CACNA2D4: variants seen among roughly 807,000 people sequenced by gnomAD.
The protein encoded by CACNA2D4 is voltage-dependent calcium channel subunit alpha-2/delta-4.
A neutral mutation model predicts 163.8 loss-of-function variants in CACNA2D4; 157 were observed. That is an observed-to-expected ratio of 0.96 (90% CI 0.84 to 1.09). The LOEUF (loss-of-function observed/expected upper bound fraction) is 1.09, where lower values mean the gene tolerates loss of function less well. CACNA2D4 is among the 50% of genes least tolerant of loss of function. The probability of loss-of-function intolerance (pLI) is 0.00; values close to 1 mark genes in which losing one functional copy is unlikely to be tolerated. For missense variants in CACNA2D4, 1,410 were observed against 1,479.9 expected, an observed-to-expected ratio of 0.95 and a Z score of 0.78; for synonymous variants, 598 against 586.9, an observed-to-expected ratio of 1.02 and a Z score of -0.27.
chr12:1,794,180 C>T (rs184070956), intron 37 of CACNA2D4, among the ~76,000 whole-genome samples: 5 of 152,262 alleles, frequency 3.3e-5, no homozygotes, highest in East Asian at 3.9e-4. Flanking sequence ...CTCGATCATT[C>T]GGAACTAAGT....
chr12:1,913,786 C>G (rs767597764), intron 2 of CACNA2D4, among the ~76,000 whole-genome samples: 23 of 152,334 alleles, frequency 1.5e-4, no homozygotes, highest in Non-Finnish European at 3.2e-4. Flanking sequence ...TCTATTCACC[C>G]AGCTCTGCAA....
rs922123945 is a variant in CACNA2D4 at position 1,875,764 on chromosome 12, C to T, written c.1720-427G>A. On this transcript the variant is annotated intron_variant, in intron 16 of 37. Transcript: ENST00000382722. This position sits in a 1 kb window ranked among gnomAD's most constrained non-coding sequence, Gnocchi z 4.0. ...GGATTTCCAAAGATACTTGTCACGC[C>T]TAAGACTTCACTGCTCCAACTGAGT... is the stretch of plus-strand genomic sequence containing the variant. 6.6e-6 allele frequency among the ~76,000 whole-genome samples: 1 copy of T among 152,236 alleles called. No individual in the cohort carries two copies. The highest frequency in any genetic ancestry group is 2.1e-4 in the South Asian group (1 of 4,832).
chr12:1,808,376 G>A (rs1863607813), intron 29 of CACNA2D4, among the ~76,000 whole-genome samples: 1 of 152,164 alleles, frequency 6.6e-6, no homozygotes, highest in African/African-American at 2.4e-5. Flanking sequence ...AAAGTCAAAA[G>A]ATTGATAACA....
intron 35 of CACNA2D4, among the ~76,000 whole-genome samples, chr12:1,796,998 T>G (rs536108958): frequency 6.8e-4 from 104 of 152,330 alleles, no homozygotes; most frequent in African/African-American, 2.5e-3. Flanking sequence ...TCCCTCTGCC[T>G]TCCAAGTTCT....
intron 26 of CACNA2D4, among the ~76,000 whole-genome samples, chr12:1,826,054 C>T (rs76153188): frequency 0.035 from 5,307 of 152,134 alleles, 184 homozygotes; most frequent in African/African-American, 0.076. Flanking sequence ...TCCACAGGCC[C>T]GGGGTGCTCA....
chr12:1,837,265 C>T (rs1442439742), intron 26 of CACNA2D4, among the ~76,000 whole-genome samples: 1 of 152,196 alleles, frequency 6.6e-6, no homozygotes, highest in Non-Finnish European at 1.5e-5. Flanking sequence ...CCTCGGCTGA[C>T]TGGGTTCTTT....
intron 26 of CACNA2D4, among the ~76,000 whole-genome samples, chr12:1,837,968 G>A (rs1029042182): frequency 4.6e-5 from 7 of 152,196 alleles, no homozygotes; most frequent in African/African-American, 1.4e-4. Flanking sequence ...AGCCCTGGCC[G>A]GCAGGAAGGG....
In CACNA2D4 at chr12:1,821,520, GC is replaced by G. The variant is rs774775573; in HGVS notation, c.2552-9798del. ...CCCAAGGGCAAGACAGGAGAACCAG[GC>G]CCGCGAGAACCTGCTGGGGTGTCCC... On this transcript the variant is annotated intron_variant, in intron 26 of 37. Coordinates refer to ENST00000382722, the MANE Select transcript of CACNA2D4 (RefSeq NM_172364.5). Among the ~76,000 whole-genome samples the G allele has an allele frequency of 3.9e-5, 6 of 152,308 alleles. No individual in the cohort carries two copies. In the South Asian group the frequency reaches 6.2e-4, roughly 16 times the overall value.
In CACNA2D4 at chr12:1,875,298, T is replaced by C. The variant is rs759153873; in HGVS notation, c.1759A>G (p.Asn587Asp). ...TCCACTTCGGAGAGATCCACACTGT[T>C]GTAGTTAGGTTTGGGTTTTAGTTTC... ...GKKLKPKPNYNSVDLSEVEWE... is the reference protein window; with the variant it reads ...GKKLKPKPNYDSVDLSEVEWE... Residue 587 changes from asparagine to aspartate, a missense_variant, in exon 17 of 38, where the codon AAC becomes GAC. Asn to Asp is a conservative substitution (Grantham distance 23). Transcript: ENST00000382722. The surrounding 1 kb of genome is among the most constrained non-coding windows in gnomAD (Gnocchi z 4.0). The C allele has an allele frequency of 1.9e-6, 3 of 1,613,888 alleles. No homozygotes were observed. Among genetic ancestry groups the C allele is most frequent in the Non-Finnish European group, 2.5e-6 (3 of 1,179,804 alleles).
At chr12:1,826,012 G>A (rs962708913) in intron 26 of CACNA2D4, among the ~76,000 whole-genome samples, 1 of 152,192 alleles carries the variant, frequency 6.6e-6, no homozygotes, top group Non-Finnish European at 1.5e-5. Flanking sequence ...AGGCCTGCGA[G>A]GGCCGTAGGT....
rs1416360632 is a variant in CACNA2D4, at chr12:1,798,240, C to T, written c.2996-705G>A. Among the ~76,000 whole-genome samples the T allele has an allele frequency of 2.6e-5, 4 of 152,184 alleles. No individual in the cohort carries two copies. The highest frequency in any genetic ancestry group is 2.6e-4 in the Admixed American group (4 of 15,282). On this transcript the variant is annotated intron_variant, in intron 34 of 37. Coordinates refer to ENST00000382722, the MANE Select transcript of CACNA2D4 (RefSeq NM_172364.5). The surrounding 1 kb of genome is among the most constrained non-coding windows in gnomAD (Gnocchi z 4.3). ...CCGAGTCCGTTCCCTCCCGGAGCCT[C>T]CTGAGGTGGGCACATGGCAGAGCAG...
chr12:1,816,745 CACACACACATACATGCACACACATGG>C lies in CACNA2D4; in HGVS notation c.2552-5048_2552-5023del, dbSNP rs1275954773. On this transcript the variant is annotated intron_variant, in intron 26 of 37. Coordinates refer to ENST00000382722, the MANE Select transcript of CACNA2D4 (RefSeq NM_172364.5). ...AGGCAAAACCAAACAACTGTGCATGCACACACACATACATGCACACACATGGACACACACATATATGCACACACGGA... is the reference window on the plus strand; with the variant it reads ...AGGCAAAACCAAACAACTGTGCATGCACACACACATATATGCACACACGGA... Among the ~76,000 whole-genome samples the C allele has an allele frequency of 5.3e-5, 8 of 152,344 alleles. No individual in the cohort carries two copies. In the East Asian group the frequency reaches 1.5e-3, roughly 29 times the overall value.
intron 26 of CACNA2D4, among the ~76,000 whole-genome samples, chr12:1,814,988 C>A (rs899655052): frequency 1.3e-5 from 2 of 152,242 alleles, no homozygotes; most frequent in African/African-American, 2.4e-5. Context: ...CTCCCAGATT[C>A]AAGTGATTCT....
chr12:1,855,987 G>A (rs781266011), intron 22 of CACNA2D4, 25 bp downstream of exon 22: 1 of 1,578,586 alleles, frequency 6.3e-7, no homozygotes, highest in South Asian at 1.1e-5. Flanking sequence ...GGAAAAGCTT[G>A]CCTCAGTGGG....
chr12:1,827,815 G>C (rs1864409869), intron 26 of CACNA2D4: 1 of 315,786 alleles, frequency 3.2e-6, no homozygotes. Flanking sequence ...GATGAGGCTG[G>C]GTAGGCCCAT....
chr12:1,894,535 T>C (rs1314960273), intron 6 of CACNA2D4, among the ~76,000 whole-genome samples: 1 of 152,110 alleles, frequency 6.6e-6, no homozygotes, highest in Non-Finnish European at 1.5e-5. Flanking sequence ...AAAAATATAA[T>C]ATGCCATGAT....
chr12:1,891,131 C>T (rs1052264993), intron 6 of CACNA2D4, among the ~76,000 whole-genome samples: 2 of 152,170 alleles, frequency 1.3e-5, no homozygotes, highest in African/African-American at 4.8e-5. Context: ...AAGAATTGGC[C>T]TGTCTGGACC....
At chr12:1,903,553 G>A (rs1866586479) in intron 6 of CACNA2D4, among the ~76,000 whole-genome samples, 1 of 151,592 alleles carries the variant, frequency 6.6e-6, no homozygotes, top group African/African-American at 2.4e-5. Flanking sequence ...TTTTTAAATG[G>A]GAAAAAATCT....
chr12:1,837,943 G>A (rs536567049), intron 26 of CACNA2D4, among the ~76,000 whole-genome samples: 10 of 152,310 alleles, frequency 6.6e-5, no homozygotes, highest in African/African-American at 2.2e-4. Context: ...CCTCTCAGGA[G>A]GGGAGAACTC....
Sources: gnomAD v4.1 joint callset for allele counts (sites outside exome capture counted in the v4.1 genomes callset) on GRCh38, gnomAD v4.1.1 for gene constraint, Gnocchi (gnomAD v3.1) non-coding constraint, MANE v1.5 for transcripts, NCBI Gene and HGNC (gene_info 2026-07-23, HGNC 2026-07-21) for gene names.